RYR3: variants seen among roughly 807,000 people sequenced by gnomAD.
RYR3 encodes brain ryanodine receptor-calcium release channel.
Under a neutral mutation model 584.3 loss-of-function variants are expected in RYR3, and 207 were observed. The ratio of observed to expected loss-of-function variants is 0.35; its 90% confidence interval spans 0.32 to 0.40. The LOEUF (loss-of-function observed/expected upper bound fraction) is 0.40, where lower values mean the gene tolerates loss of function less well. Among genes scored for constraint, RYR3 ranks in the 10% least tolerant of loss-of-function variants. The pLI, the probability that RYR3 is intolerant of heterozygous loss-of-function variation, is 1.00. For missense variants in RYR3, 5,616 were observed against 6,089.2 expected (o/e 0.92, Z 2.59); for synonymous variants, 2,416 against 2,248.5 (o/e 1.07, Z -2.11).
chr15:33,789,647 TATATATA>T, intron 67 of RYR3, among the ~76,000 whole-genome samples: 1 of 27,968 alleles, frequency 3.6e-5, no homozygotes, highest in African/African-American at 1.3e-4. Flanking sequence ...TATATATATA[TATATATA>T]TATATTTTTT....
At chr15:33,347,488 C>T (rs945020166) in intron 1 of RYR3, among the ~76,000 whole-genome samples, 7 of 151,496 alleles carry the variant, frequency 4.6e-5, no homozygotes, top group South Asian at 2.1e-4. Context: ...GCTCTGTCGC[C>T]CAGGCTGGAG....
At chr15:33,322,902 CTG>C (rs1287943929) in intron 1 of RYR3, among the ~76,000 whole-genome samples, 1 of 151,228 alleles carries the variant, frequency 6.6e-6, no homozygotes, top group Admixed American at 6.6e-5. Flanking sequence ...CTTAACCACT[CTG>C]TTGTCAAACA....
chr15:33,761,281 C>T (rs930609249), intron 60 of RYR3, among the ~76,000 whole-genome samples: 11 of 151,628 alleles, frequency 7.3e-5, no homozygotes, highest in African/African-American at 2.2e-4. Flanking sequence ...GATAGAGACA[C>T]GAAAAACCCT....
intron 1 of RYR3, among the ~76,000 whole-genome samples, chr15:33,373,221 C>A (rs17817114): frequency 0.11 from 16,982 of 152,238 alleles, 1,065 homozygotes; most frequent in Middle Eastern, 0.16. Context: ...TCATCAACTT[C>A]TATTTTAGGA....
At chr15:33,716,246 C>G (rs2067487775) in intron 43 of RYR3, among the ~76,000 whole-genome samples, 1 of 152,144 alleles carries the variant, frequency 6.6e-6, no homozygotes, top group South Asian at 2.1e-4. Flanking sequence ...AATTACTCAG[C>G]CTCAGGTATT....
At chr15:33,640,246 C>G (rs2061724494) in intron 27 of RYR3, among the ~76,000 whole-genome samples, 1 of 152,214 alleles carries the variant, frequency 6.6e-6, no homozygotes, top group Non-Finnish European at 1.5e-5. Context: ...GGTCCCCTGT[C>G]ATTCTCTCTC....
intron 3 of RYR3, among the ~76,000 whole-genome samples, chr15:33,509,986 T>A (rs535457416): frequency 3.0e-4 from 45 of 152,332 alleles, no homozygotes; most frequent in African/African-American, 9.4e-4. Context: ...TGCTGTTCTT[T>A]CCCTTTTTAA....
intron 55 of RYR3, among the ~76,000 whole-genome samples, chr15:33,749,029 G>A (rs998278791): frequency 3.3e-5 from 5 of 152,112 alleles, no homozygotes; most frequent in African/African-American, 9.7e-5. Flanking sequence ...ATCTGTACAT[G>A]TTCAGTACAG....
chr15:33,846,752 G>A (rs1319964413), intron 93 of RYR3, among the ~76,000 whole-genome samples: 1 of 152,166 alleles, frequency 6.6e-6, no homozygotes, highest in Admixed American at 6.5e-5. Context: ...TCACAGCTCT[G>A]CCACTTAAAC....
intron 70 of RYR3, among the ~76,000 whole-genome samples, chr15:33,810,136 C>T (rs1204169751): frequency 6.6e-6 from 1 of 152,190 alleles, no homozygotes; most frequent in Non-Finnish European, 1.5e-5. Context: ...ATTCTCAGAA[C>T]TTTTCTGGGG....
rs574626021 is a variant in RYR3, at chr15:33,860,614, C to T, written c.14319C>T (p.Phe4773=). The change falls in exon 101 of 104, where the codon TTC becomes TTT. Residue 4773 remains phenylalanine (F), a synonymous_variant. Coordinates refer to ENST00000634891, the MANE Select transcript of RYR3 (RefSeq NM_001036.6). The part of the protein sequence containing the change: ...AIIQGLIIDA[F]GELRDQQEQV... ...TTCCAGGTCTTATTATTGATGCTTT[C>T]GGAGAGCTAAGAGACCAGCAGGAAC... The T allele has an allele frequency of 2.1e-5, 33 of 1,590,414 alleles. No homozygotes were observed. Among genetic ancestry groups the T allele is most frequent in the South Asian group, 5.8e-5 (5 of 86,918 alleles).
chr15:33,545,385 G>A (rs1649313817), intron 8 of RYR3, among the ~76,000 whole-genome samples: 1 of 152,000 alleles, frequency 6.6e-6, no homozygotes, highest in South Asian at 2.1e-4. Flanking sequence ...TAGATGGAGG[G>A]GGATTTTCAC....
At chr15:33,487,576 A>T (rs2142436975) in intron 2 of RYR3, among the ~76,000 whole-genome samples, 1 of 152,260 alleles carries the variant, frequency 6.6e-6, no homozygotes, top group Middle Eastern at 3.4e-3. Context: ...GGGTGAACAG[A>T]GTTCACTAAG....
chr15:33,352,094 A>G (rs1173173590), intron 1 of RYR3, among the ~76,000 whole-genome samples: 1 of 152,198 alleles, frequency 6.6e-6, no homozygotes. Flanking sequence ...AAAAATCACA[A>G]GCATTCTTGT....
chr15:33,858,636 C>G (rs1185852757), intron 99 of RYR3: 2 of 62,748 alleles, frequency 3.2e-5, no homozygotes, highest in Non-Finnish European at 1.1e-4. Flanking sequence ...TTTCAGCAAG[C>G]CAGTCGGAGG....
intron 13 of RYR3, among the ~76,000 whole-genome samples, chr15:33,580,364 A>G (rs983788862): frequency 4.6e-5 from 7 of 152,236 alleles, no homozygotes; most frequent in Non-Finnish European, 8.8e-5. Flanking sequence ...TACATTTTAA[A>G]GCTTCAGTGC....
At position 33,717,703 on chromosome 15, in the gene RYR3, G is replaced by C. The variant is rs1043763946; in HGVS notation, c.6620-5012G>C. On this transcript the variant is annotated intron_variant, in intron 43 of 103. Coordinates refer to ENST00000634891, the MANE Select transcript of RYR3 (RefSeq NM_001036.6). ...ATAAGCATTTATTTCTTACATATCTGCAAGGTGGTGGGAAAGCTCTGCTGC... is the reference window on the plus strand; with the variant it reads ...ATAAGCATTTATTTCTTACATATCTCCAAGGTGGTGGGAAAGCTCTGCTGC... Among the ~76,000 whole-genome samples the C allele has an allele frequency of 3.3e-5, 5 of 152,122 alleles. No homozygotes were observed. The East Asian group carries it at 7.7e-4, about 23-fold the overall frequency.
intron 2 of RYR3, among the ~76,000 whole-genome samples, chr15:33,486,419 T>C (rs1026555392): frequency 2.6e-5 from 4 of 152,148 alleles, no homozygotes; most frequent in Non-Finnish European, 5.9e-5. Flanking sequence ...TGCCTGTACA[T>C]AGCATTTTGT....
chr15:33,572,318 G>C (rs947030975), intron 12 of RYR3, among the ~76,000 whole-genome samples: 1 of 151,920 alleles, frequency 6.6e-6, no homozygotes, highest in African/African-American at 2.4e-5. Flanking sequence ...TTTTCTTTCA[G>C]CCTGAAGGAC....
Sources: gnomAD v4.1 joint callset for allele counts (sites outside exome capture counted in the v4.1 genomes callset) on GRCh38, gnomAD v4.1.1 for gene constraint, MANE v1.5 for transcripts, NCBI Gene and HGNC (gene_info 2026-07-23, HGNC 2026-07-21) for gene names.